CFHR3: variants seen among roughly 807,000 people sequenced by gnomAD.
The protein encoded by CFHR3 is complement factor H related 3, also known as complement factor H-related protein 3.
CFHR3 carries 22 observed loss-of-function variants against 36.0 expected under a neutral mutation model. The ratio of observed to expected loss-of-function variants is 0.61; its 90% CI spans 0.44 to 0.87. The LOEUF (loss-of-function observed/expected upper bound fraction) is 0.87, where lower values mean the gene tolerates loss of function less well. Among genes scored for constraint, CFHR3 ranks in the 40% least tolerant of loss-of-function variants. The pLI is 0.00. For synonymous variants in CFHR3, 97 were observed against 137.4 expected, an observed-to-expected ratio of 0.71 and a Z score of 2.06; for missense variants, 276 against 401.3, an observed-to-expected ratio of 0.69 and a Z score of 2.67.
Position 196,791,613 on chromosome 1 carries a change from C to T in CFHR3, c.796+1386C>T, listed in dbSNP as rs1267717202. ...TGATGACGCTGATATTTTGGCTGATCTTACAATGGGCTAAACCTTAATTAT... is the reference window on the plus strand; with the variant it reads ...TGATGACGCTGATATTTTGGCTGATTTTACAATGGGCTAAACCTTAATTAT... On this transcript the variant is annotated intron_variant, in intron 5 of 5. Transcript: ENST00000367425. Among the ~76,000 whole-genome samples the T allele has an allele frequency of 8.5e-5, 11 of 129,342 alleles. 2 individuals carry two copies. The highest frequency in any genetic ancestry group is 1.4e-4 in the Non-Finnish European group (9 of 62,676). 84.9% of individuals were successfully genotyped at this position (129,342 alleles called of 152,430 possible).
chr1:196,787,421 C>T lies in CFHR3; in HGVS notation c.431-795C>T, dbSNP rs1375707719. Among the ~76,000 whole-genome samples, 6 of 137,058 alleles carry T rather than the reference C, an allele frequency of 4.4e-5. 3 individuals are homozygous for T. Among genetic ancestry groups the T allele is most frequent in the African/African-American group, 1.8e-4 (6 of 32,816 alleles). 89.9% of individuals were successfully genotyped at this position (137,058 alleles called of 152,430 possible). ...TGACAAATGCTATATTATAAATATG[C>T]ATCATCTTTAACATGATTTCTTTTT... On this transcript the variant is annotated intron_variant, in intron 3 of 5. Coordinates refer to ENST00000367425, the MANE Select transcript of CFHR3 (RefSeq NM_021023.6).
chr1:196,793,465 T>C lies in CFHR3; in HGVS notation c.945T>C (p.Phe315=). 1 of 1,527,176 alleles carries C rather than the reference T, an allele frequency of 6.5e-7. No homozygotes were observed. 94.6% of individuals were successfully genotyped at this position (1,527,176 alleles called of 1,614,324 possible). A position where few individuals can be genotyped will look rare whatever the true frequency, so the allele number is the denominator to read the frequency against. The part of the protein sequence containing the change: ...GYNANTSILS[F]QAVCREGIVE... ...ATGCAAATACATCAATTCTATCATTTCAAGCAGTGTGTCGGGAAGGGATAG... is the reference window on the plus strand; with the variant it reads ...ATGCAAATACATCAATTCTATCATTCCAAGCAGTGTGTCGGGAAGGGATAG... Residue 315 remains phenylalanine (F), a synonymous_variant, in exon 6 of 6, where the codon TTT becomes TTC. Coordinates refer to ENST00000367425, the MANE Select transcript of CFHR3 (RefSeq NM_021023.6).
In CFHR3 at chr1:196,779,264, A is replaced by G. The variant is rs1271359305; in HGVS notation, c.161A>G (p.Tyr54Cys). The G allele has an allele frequency of 3.9e-6, 6 of 1,526,092 alleles. 2 individuals are homozygous for G. Among genetic ancestry groups the G allele is most frequent in the Non-Finnish European group, 5.3e-6 (6 of 1,127,026 alleles). 94.5% of individuals were successfully genotyped at this position (1,526,092 alleles called of 1,614,324 possible). The change falls in exon 2 of 6, where the codon TAC becomes TGC. Residue 54 changes from tyrosine to cysteine, a missense_variant. Transcript: ENST00000367425. The part of the protein sequence containing the change: ...PVAVGKYYSY[Y>C]CDEHFETPSG... ...GCTGTAGGAAAATATTACTCCTATTACTGTGATGAACATTTTGAGACTCCT... is the reference window on the plus strand; with the variant it reads ...GCTGTAGGAAAATATTACTCCTATTGCTGTGATGAACATTTTGAGACTCCT...
chr1:196,782,300 C>G lies in CFHR3; in HGVS notation c.430+2327C>G, dbSNP rs1252944938. On this transcript the variant is annotated intron_variant, in intron 3 of 5. Coordinates refer to ENST00000367425, the MANE Select transcript of CFHR3 (RefSeq NM_021023.6). ...TGGTGATGCGGGCTCTTTTTTGGTT[C>G]CATATGAACTTTAAAGTACTTTTTT... 1.5e-5 allele frequency among the ~76,000 whole-genome samples: 2 copies of G among 136,440 alleles called. 1 individual carries two copies. Among genetic ancestry groups the G allele is most frequent in the African/African-American group, 6.2e-5 (2 of 32,500 alleles). 89.5% of individuals were successfully genotyped at this position (136,440 alleles called of 152,430 possible). A position where few individuals can be genotyped will look rare whatever the true frequency, so the allele number is the denominator to read the frequency against.
chr1:196,793,388 T>C lies in CFHR3; in HGVS notation c.868T>C (p.Tyr290His), dbSNP rs1227446414. 1.3e-6 allele frequency: 2 copies of C among 1,525,470 alleles called. No individual in the cohort carries two copies. Among genetic ancestry groups the C allele is most frequent in the South Asian group, 1.2e-5 (1 of 80,562 alleles). 94.5% of individuals were successfully genotyped at this position (1,525,470 alleles called of 1,614,324 possible). The stretch of plus-strand genomic sequence containing the variant: ...GTTAAAAGGAAGAAGTGACAGAAAA[T>C]ATTATGCAAAAACAGGGGATACCAT... ...IKLKGRSDRKYYAKTGDTIEF... is the reference protein window; with the variant it reads ...IKLKGRSDRKHYAKTGDTIEF... Residue 290 changes from tyrosine to histidine, a missense_variant, in exon 6 of 6, where the codon TAT (tyrosine) becomes CAT (histidine). Physicochemically the swap from Tyr to His is moderately conservative, Grantham distance 83. Transcript: ENST00000367425.
chr1:196,790,634 G>T lies in CFHR3; in HGVS notation c.796+407G>T, dbSNP rs1654388799. 1.5e-5 allele frequency among the ~76,000 whole-genome samples: 2 copies of T among 135,624 alleles called. 1 individual carries two copies. The allele number at this position is 135,624 out of a possible 152,430, so 89.0% of individuals were successfully genotyped here. A position where few individuals can be genotyped will look rare whatever the true frequency, so the allele number is the denominator to read the frequency against. ...AGCTACTCAGGAGGGTGAGGCAGGA[G>T]AATCATTTGAACCCGGGAGGCAGAG... On this transcript the variant is annotated intron_variant, in intron 5 of 5. Coordinates refer to ENST00000367425, the MANE Select transcript of CFHR3 (RefSeq NM_021023.6).
chr1:196,785,187 G>T lies in CFHR3; in HGVS notation c.431-3029G>T. Among the ~76,000 whole-genome samples the T allele has an allele frequency of 1.5e-5, 2 of 136,760 alleles. 1 individual carries two copies. Among genetic ancestry groups the T allele is most frequent in the Non-Finnish European group, 3.1e-5 (2 of 64,474 alleles). 89.7% of individuals were successfully genotyped at this position (136,760 alleles called of 152,430 possible). A position where few individuals can be genotyped will look rare whatever the true frequency, so the allele number is the denominator to read the frequency against. The stretch of plus-strand genomic sequence containing the variant: ...CTGAGAGATCTGCTATTAGTCTGAT[G>T]GGCTTCCCTTTGTGGGTAACCCGAC... On this transcript the variant is annotated intron_variant, in intron 3 of 5. Coordinates refer to ENST00000367425, the MANE Select transcript of CFHR3 (RefSeq NM_021023.6).
At position 196,790,630 on chromosome 1, in the gene CFHR3, A is replaced by G. The variant is rs1654388578; in HGVS notation, c.796+403A>G. ...TCCCAGCTACTCAGGAGGGTGAGGC[A>G]GGAGAATCATTTGAACCCGGGAGGC... On this transcript the variant is annotated intron_variant, in intron 5 of 5. Coordinates refer to ENST00000367425, the MANE Select transcript of CFHR3 (RefSeq NM_021023.6). Among the ~76,000 whole-genome samples the G allele has an allele frequency of 2.9e-5, 4 of 135,874 alleles. 2 individuals are homozygous for G. The South Asian group carries it at 1.0e-3, about 35-fold the overall frequency. The allele number at this position is 135,874 out of a possible 152,430, so 89.1% of individuals were successfully genotyped here. A position where few individuals can be genotyped will look rare whatever the true frequency, so the allele number is the denominator to read the frequency against.
rs1315044186 is a variant in CFHR3, at chr1:196,783,643, G to A, written c.430+3670G>A. On this transcript the variant is annotated intron_variant, in intron 3 of 5. Coordinates refer to ENST00000367425, the MANE Select transcript of CFHR3 (RefSeq NM_021023.6). Reference sequence around the variant, plus strand: ...TAGTTTGTATTTCTGTGGGATTGGTGGTGATATCCCCTTTATCATTTTTTA... The same window carrying A: ...TAGTTTGTATTTCTGTGGGATTGGTAGTGATATCCCCTTTATCATTTTTTA... Among the ~76,000 whole-genome samples, 2 of 134,294 alleles carry A rather than the reference G, an allele frequency of 1.5e-5. 1 individual carries two copies. The highest frequency in any genetic ancestry group is 3.1e-5 in the Non-Finnish European group (2 of 63,948). 88.1% of individuals were successfully genotyped at this position (134,294 alleles called of 152,430 possible).
At position 196,779,893 on chromosome 1, in the gene CFHR3, G is replaced by C; in HGVS notation, c.350G>C (p.Gly117Ala). ...GNSTEVACHP[G>A]YGLPKAQTTV... ...TCTACAGAAGTTGCCTGCCATCCTG[G>C]CTACGGTCTTCCAAAAGCGCAGACC... is the stretch of plus-strand genomic sequence containing the variant. The change falls in exon 3 of 6, where the codon GGC becomes GCC. Residue 117 changes from glycine (G) to alanine (A), a missense_variant. Gly to Ala is a moderately conservative substitution (Grantham distance 60, BLOSUM62 0). Transcript: ENST00000367425. The C allele has an allele frequency of 6.5e-7, 1 of 1,533,160 alleles. No individual in the cohort carries two copies. Among genetic ancestry groups the C allele is most frequent in the Non-Finnish European group, 8.8e-7 (1 of 1,133,410 alleles). 95.0% of individuals were successfully genotyped at this position (1,533,160 alleles called of 1,614,324 possible). A position where few individuals can be genotyped will look rare whatever the true frequency, so the allele number is the denominator to read the frequency against.
chr1:196,788,585 G>A (rs1654301943), intron 4 of CFHR3, among the ~76,000 whole-genome samples, 187 bp downstream of exon 4: 1 of 137,274 alleles, frequency 7.3e-6, no homozygotes, highest in South Asian at 2.5e-4. Context: ...TACTTGGGAA[G>A]ATGATCATTT....
intron 3 of CFHR3, among the ~76,000 whole-genome samples, chr1:196,782,164 C>A (rs1247687488): frequency 7.3e-6 from 1 of 136,788 alleles, no homozygotes; most frequent in Non-Finnish European, 1.6e-5. Flanking sequence ...TGATCTATAT[C>A]TCTGTTTTGG....
At chr1:196,787,681 A>G (rs1188217171) in intron 3 of CFHR3, among the ~76,000 whole-genome samples, 1 of 136,800 alleles carries the variant, frequency 7.3e-6, no homozygotes, top group African/African-American at 3.1e-5. Context: ...TTTTCTGCTT[A>G]CATTTCCACA....
At chr1:196,779,141 T>A (rs1558196487) in intron 1 of CFHR3, 21 bp from the exon 2 acceptor site, 1 of 1,466,110 alleles carries the variant, frequency 6.8e-7, no homozygotes, top group Non-Finnish European at 9.3e-7. Flanking sequence ...TTATACTTTT[T>A]TGTTTGTTTT....
chr1:196,790,823 C>CCAAGAATGTTCAGAGTCTT (rs1339012318), intron 5 of CFHR3, among the ~76,000 whole-genome samples: 4 of 131,050 alleles, frequency 3.1e-5, no homozygotes, highest in Non-Finnish European at 4.8e-5. Context: ...AAAGAAAAAA[C>CCAAGAATGTTCAGAGTCTT]CAAGAATGTT....
At position 196,789,651 on chromosome 1, in the gene CFHR3, A is replaced by T; in HGVS notation, c.614-394A>T. The T allele has an allele frequency of 1.4e-6, 2 of 1,439,830 alleles. 1 individual carries two copies. Among genetic ancestry groups the T allele is most frequent in the Non-Finnish European group, 1.9e-6 (2 of 1,074,894 alleles). 89.2% of individuals were successfully genotyped at this position (1,439,830 alleles called of 1,614,324 possible). A position where few individuals can be genotyped will look rare whatever the true frequency, so the allele number is the denominator to read the frequency against. Reference sequence around the variant, plus strand: ...ATTTAAAAGCGGTTTAAGCTCCGTGACACATTGGACTACGAATGCTACGAT... The same window carrying T: ...ATTTAAAAGCGGTTTAAGCTCCGTGTCACATTGGACTACGAATGCTACGAT... On this transcript the variant is annotated intron_variant, in intron 4 of 5. Transcript: ENST00000367425.
In CFHR3 at chr1:196,779,081, A is replaced by G. The variant is rs1460881145; in HGVS notation, c.59-81A>G. 4.6e-6 allele frequency: 5 copies of G among 1,076,520 alleles called. 1 individual carries two copies. The highest frequency in any genetic ancestry group is 6.6e-6 in the Non-Finnish European group (5 of 751,942). 66.7% of individuals were successfully genotyped at this position (1,076,520 alleles called of 1,614,324 possible). A position where few individuals can be genotyped will look rare whatever the true frequency, so the allele number is the denominator to read the frequency against. On this transcript the variant is annotated intron_variant, in intron 1 of 5. Coordinates refer to ENST00000367425, the MANE Select transcript of CFHR3 (RefSeq NM_021023.6). ...ATTCCACAAGAAAATGTTTGAGAGA[A>G]GGTGATATCAAAATTTATCTCTAAT...
At position 196,788,239 on chromosome 1, in the gene CFHR3, G is replaced by T. The variant is rs1191780422; in HGVS notation, c.454G>T (p.Glu152Ter). Reference sequence around the variant, plus strand: ...AGGAACATGCTCAAAATCAGATATAGAAATTGAAAATGGATTCATTTCCGA... The same window carrying T: ...AGGAACATGCTCAAAATCAGATATATAAATTGAAAATGGATTCATTTCCGA... Reference protein sequence around the residue: ...RVRTCSKSDIEIENGFISESS... With the variant: ...RVRTCSKSDI The change falls in exon 4 of 6, where the codon GAA (glutamate) becomes TAA (stop). Residue 152 changes from glutamate to a stop codon, truncating the protein, a stop_gained. Transcript: ENST00000367425. LOFTEE classifies it high-confidence loss of function. 1.4e-6 allele frequency: 2 copies of T among 1,434,078 alleles called. 1 individual carries two copies. The highest frequency in any genetic ancestry group is 1.9e-6 in the Non-Finnish European group (2 of 1,070,080). The allele number at this position is 1,434,078 out of a possible 1,614,324, so 88.8% of individuals were successfully genotyped here.
chr1:196,783,544 G>C (rs1262181189), intron 3 of CFHR3, among the ~76,000 whole-genome samples: 1 of 130,490 alleles, frequency 7.7e-6, no homozygotes, highest in Admixed American at 7.3e-5. Context: ...GAGTGTATGT[G>C]TCAAGGAATT....
Sources: gnomAD v4.1 joint callset for allele counts (sites outside exome capture counted in the v4.1 genomes callset) on GRCh38, gnomAD v4.1.1 for gene constraint, MANE v1.5 for transcripts, NCBI Gene and HGNC (gene_info 2026-07-23, HGNC 2026-07-21) for gene names.